Variants in NEDD4L observed in about 807,000 individuals in gnomAD.
NEDD4L encodes NEDD4 like E3 ubiquitin protein ligase, also known as E3 ubiquitin-protein ligase NEDD4-like.
Under a neutral mutation model 148.9 loss-of-function variants are expected in NEDD4L, and 54 were observed. The observed-to-expected ratio is 0.36, with a 90% confidence interval of 0.29 to 0.45. NEDD4L has a LOEUF of 0.45. Among genes scored for constraint, NEDD4L ranks in the 20% least tolerant of loss-of-function variants. NEDD4L has a pLI of 1.00. For synonymous variants in NEDD4L, 433 were observed against 440.7 expected, an observed-to-expected ratio of 0.98 and a Z score of 0.22; for missense variants, 856 against 1,233.8, an observed-to-expected ratio of 0.69 and a Z score of 4.59.
At chr18:58,352,548 A>G (rs1435018711) in intron 18 of NEDD4L, among the ~76,000 whole-genome samples, 1 of 152,108 alleles carries the variant, frequency 6.6e-6, no homozygotes, top group East Asian at 1.9e-4. Flanking sequence ...AATCCCAGCT[A>G]CCCGGATGGC....
intron 1 of NEDD4L, among the ~76,000 whole-genome samples, chr18:58,065,015 C>T (rs1343138959): frequency 2.0e-5 from 3 of 152,218 alleles, no homozygotes; most frequent in Admixed American, 2.0e-4. Flanking sequence ...GTATTTTGCT[C>T]ACAGGTGCTA....
chr18:58,224,971 A>C (rs921846627), intron 2 of NEDD4L, among the ~76,000 whole-genome samples: 1 of 152,166 alleles, frequency 6.6e-6, no homozygotes, highest in African/African-American at 2.4e-5. Context: ...GGTTTAAAAA[A>C]ATTTATTTTC....
intron 11 of NEDD4L, among the ~76,000 whole-genome samples, chr18:58,332,179 TAA>T (rs367635695): frequency 2.6e-5 from 4 of 152,330 alleles, no homozygotes; most frequent in Middle Eastern, 6.8e-3. Flanking sequence ...GCAATAATCA[TAA>T]GTTAGCAATT....
intron 24 of NEDD4L, among the ~76,000 whole-genome samples, chr18:58,380,296 T>TTTTTTTTATTTATTTA (rs1555863201): frequency 1.4e-5 from 2 of 141,768 alleles, no homozygotes; most frequent in African/African-American, 5.3e-5. Context: ...TTCTTTTTTA[T>TTTTTTTTATTTATTTA]TTTATTTATT....
chr18:58,147,455 G>A (rs1386056445), intron 1 of NEDD4L, among the ~76,000 whole-genome samples: 1 of 152,176 alleles, frequency 6.6e-6, no homozygotes, highest in Non-Finnish European at 1.5e-5. Context: ...GGAACACAGT[G>A]TCCTGTATTT....
intron 30 of NEDD4L, among the ~76,000 whole-genome samples, chr18:58,395,911 A>G (rs2050433553): frequency 6.6e-6 from 1 of 152,168 alleles, no homozygotes; most frequent in Admixed American, 6.5e-5. Context: ...CCTTCCCACC[A>G]GGATTCCTCC....
chr18:58,189,688 A>T (rs138765123), intron 2 of NEDD4L: 1 of 152,188 alleles, frequency 6.6e-6, no homozygotes, highest in African/African-American at 2.4e-5. Flanking sequence ...TTTTCTTCAC[A>T]TGAACTCGTC....
chr18:58,058,132 C>T (rs60621784), intron 1 of NEDD4L, among the ~76,000 whole-genome samples: 1 of 152,146 alleles, frequency 6.6e-6, no homozygotes, highest in Non-Finnish European at 1.5e-5. Flanking sequence ...ATGGTGAAAC[C>T]CCGTCTCTAC....
chr18:58,388,322 T>C (rs1301588812), intron 27 of NEDD4L: 1 of 152,226 alleles, frequency 6.6e-6, no homozygotes, highest in East Asian at 1.9e-4. Context: ...ATGATGTCTA[T>C]AGAAATCATA....
intron 1 of NEDD4L, among the ~76,000 whole-genome samples, chr18:58,086,500 T>G (rs754772351): frequency 6.6e-6 from 1 of 152,210 alleles, no homozygotes; most frequent in African/African-American, 2.4e-5. Context: ...GTATTACTCA[T>G]GTAGGAAGAC....
intron 16 of NEDD4L, among the ~76,000 whole-genome samples, chr18:58,344,334 G>A (rs2042791813): frequency 6.6e-6 from 1 of 152,112 alleles, no homozygotes. Context: ...TGTCTTCAAG[G>A]GCATTCTTGG....
chr18:58,073,135 A>G (rs916870247), intron 1 of NEDD4L, among the ~76,000 whole-genome samples: 1 of 152,252 alleles, frequency 6.6e-6, no homozygotes, highest in Non-Finnish European at 1.5e-5. Context: ...TTCACGGATT[A>G]GAAGACTTAC....
intron 2 of NEDD4L, among the ~76,000 whole-genome samples, chr18:58,186,645 A>G (rs1450013690): frequency 6.6e-6 from 1 of 152,194 alleles, no homozygotes; most frequent in Non-Finnish European, 1.5e-5. Context: ...GGTAAGGATT[A>G]TTATTGGCAT....
At chr18:58,129,791 G>A (rs2031752740) in intron 1 of NEDD4L, among the ~76,000 whole-genome samples, 1 of 149,566 alleles carries the variant, frequency 6.7e-6, no homozygotes, top group African/African-American at 2.5e-5. Flanking sequence ...GAACTGTGGT[G>A]TTGGGCTCTG....
intron 5 of NEDD4L, among the ~76,000 whole-genome samples, chr18:58,263,337 T>C (rs2049728624): frequency 6.6e-6 from 1 of 152,194 alleles, no homozygotes; most frequent in Non-Finnish European, 1.5e-5. Flanking sequence ...CAGCCTTCTT[T>C]TGTGACTTAA....
In NEDD4L at chr18:58,165,441, G is replaced by A. The variant is rs147149325; in HGVS notation, c.49-347G>A. ...TTATTTGTTATATTTATGCAAACTT[G>A]TGGCACTTGGACATTTATCTAGATG... On this transcript the variant is annotated intron_variant, in intron 1 of 30. Coordinates refer to ENST00000400345, the MANE Select transcript of NEDD4L (RefSeq NM_001144967.3). Among the ~76,000 whole-genome samples the A allele has an allele frequency of 2.5e-3, 385 of 152,304 alleles. 3 individuals carry two copies. Among genetic ancestry groups the A allele is most frequent in the Non-Finnish European group, 2.1e-3 (145 of 68,016 alleles).
chr18:58,230,338 G>A (rs1420304270), intron 2 of NEDD4L, among the ~76,000 whole-genome samples: 1 of 151,464 alleles, frequency 6.6e-6, no homozygotes. Context: ...CATGCTTTTA[G>A]TTAATCGAAA....
In NEDD4L at chr18:58,341,116, T is replaced by C. The variant is rs761631435; in HGVS notation, c.1204T>C (p.Tyr402His). 4 of 1,612,632 alleles carry C rather than the reference T, an allele frequency of 2.5e-6. No individual in the cohort carries two copies. Among genetic ancestry groups the C allele is most frequent in the Non-Finnish European group, 3.4e-6 (4 of 1,179,432 alleles). ...AAGAAAAGATGCTAAGGGGCGCACA[T>C]ACTATGTCAATCATAACAATCGAAC... is the stretch of plus-strand genomic sequence containing the variant. ...EERKDAKGRT[Y>H]YVNHNNRTTT... The change falls in exon 14 of 31, where the codon TAC (tyrosine) becomes CAC (histidine). Residue 402 changes from tyrosine (Y) to histidine (H), a missense_variant. By Grantham distance (83) the Tyr-to-His change is moderately conservative (BLOSUM62 2). Transcript: ENST00000400345.
chr18:58,258,911 G>A (rs1394113190), intron 5 of NEDD4L, among the ~76,000 whole-genome samples: 1 of 152,176 alleles, frequency 6.6e-6, no homozygotes, highest in Non-Finnish European at 1.5e-5. Context: ...ATTCACTTGG[G>A]CGTCTACAGT....
Sources: gnomAD v4.1 joint callset for allele counts (sites outside exome capture counted in the v4.1 genomes callset) on GRCh38, gnomAD v4.1.1 for gene constraint, MANE v1.5 for transcripts, NCBI Gene and HGNC (gene_info 2026-07-23, HGNC 2026-07-21) for gene names.